The following DST variants were observed in gnomAD, a reference collection of about 807,000 sequenced individuals.
DST encodes the protein dystonin.
A neutral mutation model predicts 875.2 loss-of-function variants in DST; 253 were observed. That is an observed-to-expected ratio of 0.29 (90% CI 0.26 to 0.32). The LOEUF (loss-of-function observed/expected upper bound fraction) is 0.32, where lower values mean the gene tolerates loss of function less well. DST is among the 10% of genes least tolerant of loss of function. The pLI is 1.00. For synonymous variants in DST, 3,124 were observed against 3,197.1 expected (o/e 0.98, Z 0.77); for missense variants, 8,287 against 9,111.6 (o/e 0.91, Z 3.68).
intron 2 of DST, among the ~76,000 whole-genome samples, chr6:56,939,763 G>T (rs550456321): frequency 6.6e-6 from 1 of 151,904 alleles, no homozygotes; most frequent in Admixed American, 6.6e-5. Flanking sequence ...GGTGGCTCAC[G>T]CCTGTAATCC....
intron 2 of DST, among the ~76,000 whole-genome samples, chr6:56,920,409 A>G (rs865830634): frequency 6.6e-6 from 1 of 152,208 alleles, no homozygotes; most frequent in Non-Finnish European, 1.5e-5. Flanking sequence ...AGTCACACAC[A>G]TCTGCATGAA....
intron 94 of DST, 49 bp from the exon 95 acceptor site, chr6:56,471,317 G>T: frequency 7.2e-7 from 1 of 1,381,844 alleles, no homozygotes; most frequent in Non-Finnish European, 1.0e-6. Flanking sequence ...TACTAAAATT[G>T]TAGACTATAC....
intron 61 of DST, among the ~76,000 whole-genome samples, chr6:56,547,162 C>G (rs1770949801): frequency 6.6e-6 from 1 of 152,124 alleles, no homozygotes; most frequent in Non-Finnish European, 1.5e-5. Flanking sequence ...ATGGTATATT[C>G]CTTGTATCAT....
intron 2 of DST, among the ~76,000 whole-genome samples, chr6:56,930,121 AC>A (rs1438229276): frequency 6.6e-6 from 1 of 152,210 alleles, no homozygotes; most frequent in Non-Finnish European, 1.5e-5. Flanking sequence ...GGGTAAGGAC[AC>A]CAAAAGGTAA....
chr6:56,908,342 C>A (rs988828853), intron 2 of DST, among the ~76,000 whole-genome samples: 6 of 152,060 alleles, frequency 3.9e-5, no homozygotes, highest in African/African-American at 1.4e-4. Flanking sequence ...GGGCAGTCAA[C>A]GAACTTGGAT....
At chr6:56,896,400 C>G (rs548060951) in intron 3 of DST, among the ~76,000 whole-genome samples, 29 of 152,266 alleles carry the variant, frequency 1.9e-4, no homozygotes, top group African/African-American at 6.5e-4. Flanking sequence ...TCCTTATTTT[C>G]TCTTGCCACC....
At chr6:56,891,062 C>T (rs1360440041) in intron 3 of DST, among the ~76,000 whole-genome samples, 1 of 152,200 alleles carries the variant, frequency 6.6e-6, no homozygotes, top group Non-Finnish European at 1.5e-5. Context: ...CTACTGGCTG[C>T]ACCTAACCAA....
Position 56,598,562 on chromosome 6 carries a change from A to C in DST, c.11842T>G (p.Cys3948Gly), listed in dbSNP as rs1554449844. The C allele has an allele frequency of 1.9e-6, 3 of 1,612,072 alleles. No individual in the cohort carries two copies. Among genetic ancestry groups the C allele is most frequent in the South Asian group, 2.2e-5 (2 of 90,732 alleles). ...EQKLNEAKIK[C>G]EQLNLKAEQS... ...TCTGCTTTTAAATTAAGCTGTTCAC[A>C]CTTTATCTTAGCTTCATTAAGTTTC... Residue 3948 changes from cysteine to glycine, a missense_variant, in exon 46 of 104, where the codon TGT becomes GGT. Transcript: ENST00000680361.
chr6:56,555,420 C>G lies in DST; in HGVS notation c.15061G>C (p.Glu5021Gln), dbSNP rs1285905569. 1.2e-6 allele frequency: 2 copies of G among 1,613,560 alleles called. No individual in the cohort carries two copies. Among genetic ancestry groups the G allele is most frequent in the South Asian group, 2.2e-5 (2 of 90,968 alleles). ...CTACTAAGTTCTGCTTTCAAGTACT[C>G]TTCTTTAACCAGTGCTGACAAATCC... The part of the protein sequence containing the change: ...CEDLSALVKE[E>Q]YLKAELSRQL... Residue 5021 changes from glutamate to glutamine, a missense_variant, in exon 60 of 104, where the codon GAG becomes CAG. Physicochemically the swap from Glu to Gln is conservative, Grantham distance 29. Around this residue, in one of 10 missense-constraint regions of DST, gnomAD observed 1,513 missense variants for 1,677.8 expected, o/e 0.90. Coordinates refer to ENST00000680361, the MANE Select transcript of DST (RefSeq NM_001374736.1).
At chr6:56,505,039 G>A (rs779816901) in intron 77 of DST, among the ~76,000 whole-genome samples, 5 of 152,166 alleles carry the variant, frequency 3.3e-5, no homozygotes, top group Middle Eastern at 3.4e-3. Flanking sequence ...ATAGTAGGGC[G>A]ATAAATCTTG....
At chr6:56,821,474 A>G (rs1158140914) in intron 4 of DST, among the ~76,000 whole-genome samples, 1 of 152,234 alleles carries the variant, frequency 6.6e-6, no homozygotes, top group Non-Finnish European at 1.5e-5. Flanking sequence ...TTCTCTGGGC[A>G]GCATGATTAA....
chr6:56,596,683 A>G (rs1416025928), intron 47 of DST, among the ~76,000 whole-genome samples: 1 of 152,180 alleles, frequency 6.6e-6, no homozygotes, highest in Non-Finnish European at 1.5e-5. Context: ...CCCTATTCCA[A>G]AGATTCCAAA....
intron 2 of DST, among the ~76,000 whole-genome samples, chr6:56,948,805 C>CT (rs1430500988): frequency 6.6e-6 from 1 of 152,150 alleles, no homozygotes; most frequent in East Asian, 1.9e-4. Flanking sequence ...GCTAATGATG[C>CT]TTTTTTCTTT....
intron 4 of DST, among the ~76,000 whole-genome samples, chr6:56,824,615 G>A (rs997188223): frequency 1.6e-4 from 24 of 151,618 alleles, no homozygotes; most frequent in African/African-American, 4.6e-4. Context: ...CCTCTGCCCC[G>A]CTGCCCCGTC....
In DST at chr6:56,611,517, T is replaced by C; in HGVS notation, c.5138A>G (p.His1713Arg). The C allele has an allele frequency of 6.2e-7, 1 of 1,610,824 alleles. No individual in the cohort carries two copies. Among genetic ancestry groups the C allele is most frequent in the Non-Finnish European group, 8.5e-7 (1 of 1,177,574 alleles). The change falls in exon 38 of 104, where the codon CAT (histidine) becomes CGT (arginine). Residue 1713 changes from histidine (H) to arginine (R), a missense_variant. This residue lies in a region of DST where 3,138 missense variants were observed against 3,116.6 expected (regional missense o/e 1.01). Transcript: ENST00000680361. ...LQTIQLFLAKHGDKMTDEERN... is the reference protein window; with the variant it reads ...LQTIQLFLAKRGDKMTDEERN... The stretch of plus-strand genomic sequence containing the variant: ...ACTACAACCAACATACTTGTCTCCA[T>C]GTTTTGCCAAAAAAAGCTGTATAGT...
At chr6:56,692,381 C>G in intron 9 of DST, 27 of 1,251,790 alleles carry the variant, frequency 2.2e-5, no homozygotes, top group Non-Finnish European at 2.8e-5. Context: ...CTCCACATTT[C>G]ACTTACCTCA....
chr6:56,683,894 C>T (rs1236430366), intron 9 of DST, among the ~76,000 whole-genome samples: 1 of 152,234 alleles, frequency 6.6e-6, no homozygotes, highest in Non-Finnish European at 1.5e-5. Flanking sequence ...AGCTAAGCTT[C>T]ATCTGAATCA....
intron 4 of DST, among the ~76,000 whole-genome samples, chr6:56,771,076 G>A (rs1431411549): frequency 6.7e-6 from 1 of 149,904 alleles, no homozygotes; most frequent in African/African-American, 2.5e-5. Flanking sequence ...GAAAAGAAAA[G>A]CTCTATTTAT....
At chr6:56,705,387 AT>A (rs1453565095) in intron 5 of DST, among the ~76,000 whole-genome samples, 1 of 152,212 alleles carries the variant, frequency 6.6e-6, no homozygotes, top group Non-Finnish European at 1.5e-5. Context: ...AAGTGAGTAT[AT>A]AGCACAAAAT....
Sources: allele counts gnomAD v4.1 joint callset (sites outside exome capture counted in the v4.1 genomes callset), GRCh38; gene constraint gnomAD v4.1.1; regional missense constraint gnomAD v4.1.1; transcripts MANE v1.5; gene names NCBI Gene and HGNC (gene_info 2026-07-23, HGNC 2026-07-21).